The following DDX5 variants were observed in gnomAD, a reference collection of about 807,000 sequenced individuals.
The protein encoded by DDX5 is probable ATP-dependent RNA helicase DDX5.
A neutral mutation model predicts 68.6 loss-of-function variants in DDX5; 6 were observed. The ratio of observed to expected loss-of-function variants is 0.09; its 90% CI spans 0.05 to 0.17. The LOEUF is 0.17. Ranked by LOEUF, DDX5 falls within the 10% of genes least tolerant of loss-of-function variation. The pLI is 1.00. For missense variants in DDX5, 499 were observed against 756.1 expected, an observed-to-expected ratio of 0.66 and a Z score of 3.99; for synonymous variants, 350 against 247.0, an observed-to-expected ratio of 1.42 and a Z score of -3.91.
At chr17:64,500,862 G>T in intron 11 of DDX5, 89 bp from the exon 12 acceptor site, 1 of 942,770 alleles carries the variant, frequency 1.1e-6, no homozygotes, top group Non-Finnish European at 1.7e-6. Context: ...TTAGACAATT[G>T]TATTCCCAAG....
chr17:64,501,361 C>G (rs553787494), intron 11 of DDX5: 54 of 159,666 alleles, frequency 3.4e-4, no homozygotes, highest in African/African-American at 1.3e-3. Flanking sequence ...TGGCAGGTCT[C>G]GACATGACGA....
chr17:64,501,001 T>C (rs1231587703), intron 11 of DDX5: 5 of 568,250 alleles, frequency 8.8e-6, no homozygotes, highest in Non-Finnish European at 1.6e-5. Context: ...TGACAGACCC[T>C]GTCAAAAGGA....
Position 64,503,455 on chromosome 17 carries a change from T to C in DDX5, c.624A>G (p.Gly208=), listed in dbSNP as rs1379580013. Residue 208 remains glycine, a synonymous_variant, in exon 6 of 13, where the codon GGA becomes GGG. Coordinates refer to ENST00000225792, the MANE Select transcript of DDX5 (RefSeq NM_004396.5). ...CTCTCTCCAAATCACGTATTTGTGG[T>C]CCCTTAGGAGCACCACCGTAGATAC... The part of the protein sequence containing the change: ...STCIYGGAPK[G]PQIRDLERGV... 6.2e-7 allele frequency: 1 copy of C among 1,614,208 alleles called. No homozygotes were observed. The highest frequency in any genetic ancestry group is 1.3e-5 in the African/African-American group (1 of 75,048).
At chr17:64,500,430 A>G (rs572734771) in intron 12 of DDX5, 104 bp from the exon 13 acceptor site, 1 of 1,528,410 alleles carries the variant, frequency 6.5e-7, no homozygotes, top group South Asian at 1.2e-5. Context: ...ATGTTTTTAC[A>G]ATTTTTCAGC....
chr17:64,500,936 G>A, intron 11 of DDX5, 163 bp from the exon 12 acceptor site: 1 of 613,528 alleles, frequency 1.6e-6, no homozygotes, highest in Admixed American at 3.0e-5. Flanking sequence ...ATACCATTGA[G>A]GTTGAAAAAA....
intron 1 of DDX5, chr17:64,505,447 G>A: frequency 1.8e-6 from 1 of 554,882 alleles, no homozygotes; most frequent in South Asian, 2.4e-5. Context: ...ACCGGGGGAG[G>A]AGTCCCGGCC....
At position 64,504,804 on chromosome 17, in the gene DDX5, G is replaced by A. The variant is rs782737200; in HGVS notation, c.83C>T (p.Pro28Leu). ...APRFGGSRAGPLSGKKFGNPG... is the reference protein window; with the variant it reads ...APRFGGSRAGLLSGKKFGNPG... ...GTTTCCAAACTTCTTTCCAGATAAG[G>A]GCCCTGCCCTACTTCCTCCAAATCG... Residue 28 changes from proline to leucine, a missense_variant, in exon 2 of 13, where the codon CCC becomes CTC. Physicochemically the swap from Pro to Leu is moderately conservative, Grantham distance 98. Around this residue, in one of 5 missense-constraint regions of DDX5, gnomAD observed 140 missense variants for 135.7 expected, o/e 1.03. Transcript: ENST00000225792. 7.4e-6 allele frequency: 12 copies of A among 1,611,630 alleles called. No homozygotes were observed. The East Asian group carries it at 2.2e-4, about 30-fold the overall frequency.
Position 64,499,831 on chromosome 17 carries a change from T to C in DDX5, c.*92A>G. 7.9e-7 allele frequency: 1 copy of C among 1,259,838 alleles called. No homozygotes were observed. The highest frequency in any genetic ancestry group is 1.7e-5 in the South Asian group (1 of 58,718). The allele number at this position is 1,259,838 out of a possible 1,614,324, so 78.0% of individuals were successfully genotyped here. A position where few individuals can be genotyped will look rare whatever the true frequency, so the allele number is the denominator to read the frequency against. On this transcript the variant is annotated 3_prime_UTR_variant, in exon 13 of 13. Transcript: ENST00000225792. The stretch of plus-strand genomic sequence containing the variant: ...TGCTGCACTGCAGTCATTTCTGCAA[T>C]TCCCATGTTTCTTAAATAACTATCT...
intron 8 of DDX5, 45 bp downstream of exon 8, chr17:64,502,881 G>A: frequency 6.6e-7 from 1 of 1,512,260 alleles, no homozygotes. Context: ...CAATTTTACA[G>A]CAAAGTTGTT....
In DDX5 at chr17:64,506,254, G is replaced by A. The variant is rs1266747970; in HGVS notation, c.-135C>T. The A allele has an allele frequency of 2.2e-5, 34 of 1,547,154 alleles. No individual in the cohort carries two copies. The highest frequency in any genetic ancestry group is 4.9e-5 in the East Asian group (2 of 41,000). Reference sequence around the variant, plus strand: ...AAGGACACCGATGACACCAGCCGAAGCTGCACTACTAGAGACCGGTAGAAA... The same window carrying A: ...AAGGACACCGATGACACCAGCCGAAACTGCACTACTAGAGACCGGTAGAAA... On this transcript the variant is annotated 5_prime_UTR_variant, in exon 1 of 13. Coordinates refer to ENST00000225792, the MANE Select transcript of DDX5 (RefSeq NM_004396.5).
intron 8 of DDX5, 118 bp downstream of exon 8, chr17:64,502,808 G>A: frequency 1.9e-6 from 2 of 1,047,438 alleles, no homozygotes; most frequent in East Asian, 2.6e-5. Context: ...GGATTAGTAG[G>A]CTAACTAAAT....
At chr17:64,506,802 A>T, upstream of DDX5, 1 of 564,030 alleles carries the variant, frequency 1.8e-6, no homozygotes. Context: ...CTGCCGGCTG[A>T]TGTGGACCGT....
chr17:64,504,944 G>A (rs2038395514), intron 1 of DDX5, 102 bp from the exon 2 acceptor site: 2 of 1,119,736 alleles, frequency 1.8e-6, no homozygotes, highest in Non-Finnish European at 2.5e-6. Context: ...ACTGAAAACA[G>A]ACTTCGAGAG....
rs2038258489 is a variant in DDX5 at position 64,500,125 on chromosome 17, T to C, written c.1643A>G (p.Asn548Ser). ...ANYTNGSFGS[N>S]FVSAGIQTSF... is the part of the protein sequence containing the mutation. ...GGTCTGTATACCAGCAGACACAAAA[T>C]TACTTCCAAAGCTCCCATTGGTGTA... The change falls in exon 13 of 13, where the codon AAT (asparagine) becomes AGT (serine). Residue 548 changes from asparagine to serine, a missense_variant. This residue lies in a region of DDX5 where 171 missense variants were observed against 174.8 expected (regional missense o/e 0.98). Transcript: ENST00000225792. 1 of 1,614,110 alleles carries C rather than the reference T, an allele frequency of 6.2e-7. No individual in the cohort carries two copies. The highest frequency in any genetic ancestry group is 8.5e-7 in the Non-Finnish European group (1 of 1,180,040).
chr17:64,506,084 CCGGCCGCGGTCT>C lies in DDX5; in HGVS notation c.24_35del (p.Arg12_Gly15del). ...TCGGCTCCCAAACTCACCCTCGGTC[CCGGCCGCGGTCT>C]CGGTCACTCGAATAACCCGACATGG... On this transcript the variant is annotated inframe_deletion, in exon 1 of 13. Transcript: ENST00000225792. 6.2e-7 allele frequency: 1 copy of C among 1,608,394 alleles called. No homozygotes were observed. Among genetic ancestry groups the C allele is most frequent in the South Asian group, 1.1e-5 (1 of 89,884 alleles).
At chr17:64,502,880 A>G (rs1598149281) in intron 8 of DDX5, 46 bp downstream of exon 8, 2 of 1,510,578 alleles carry the variant, frequency 1.3e-6, no homozygotes, top group African/African-American at 1.4e-5. Flanking sequence ...TCAATTTTAC[A>G]GCAAAGTTGT....
At chr17:64,502,801 T>G in intron 8 of DDX5, 125 bp downstream of exon 8, 1 of 995,238 alleles carries the variant, frequency 1.0e-6, no homozygotes, top group Admixed American at 3.0e-5. Context: ...ATTTTCAGGA[T>G]TAGTAGGCTA....
In DDX5 at chr17:64,504,495, CTAATT is replaced by C. The variant is rs148957120; in HGVS notation, c.210+177_211-178del. 7.0e-4 allele frequency: 651 copies of C among 933,268 alleles called. 2 individuals are homozygous for C. The African/African-American group carries it at 8.6e-3, about 12-fold the overall frequency. 57.8% of individuals were successfully genotyped at this position (933,268 alleles called of 1,614,324 possible). A position where few individuals can be genotyped will look rare whatever the true frequency, so the allele number is the denominator to read the frequency against. ...AAAAAAATTTATTGTTATACTCAAC[CTAATT>C]TAAGTAAAAATCCCAAAGCCACCTA... On this transcript the variant is annotated intron_variant, in intron 2 of 12. Coordinates refer to ENST00000225792, the MANE Select transcript of DDX5 (RefSeq NM_004396.5).
At chr17:64,501,047 G>T in intron 11 of DDX5, 1 of 494,272 alleles carries the variant, frequency 2.0e-6, no homozygotes. Flanking sequence ...AAATCAGCAA[G>T]TTCCCTTACA....
Sources: gnomAD v4.1 joint callset for allele counts on GRCh38, gnomAD v4.1.1 for gene constraint, gnomAD v4.1.1 regional missense constraint, MANE v1.5 for transcripts, NCBI Gene and HGNC (gene_info 2026-07-23, HGNC 2026-07-21) for gene names.